The following COL5A2 variants were observed in gnomAD, a reference collection of about 807,000 sequenced individuals.
The protein encoded by COL5A2 is collagen alpha-2(V) chain.
A neutral mutation model predicts 208.2 loss-of-function variants in COL5A2; 23 were observed. The observed-to-expected ratio is 0.11, with a 90% confidence interval of 0.08 to 0.16. The LOEUF is 0.16. COL5A2 is among the 10% of genes least tolerant of loss of function. The pLI is 1.00. For synonymous variants in COL5A2, 625 were observed against 628.5 expected, an observed-to-expected ratio of 0.99 and a Z score of 0.08; for missense variants, 1,590 against 1,956.4, an observed-to-expected ratio of 0.81 and a Z score of 3.53.
chr2:189,374,134 T>C, the COL5A2 span, among the ~76,000 whole-genome samples: 1 of 152,122 alleles, frequency 6.6e-6, no homozygotes, highest in Non-Finnish European at 1.5e-5. Context: ...AGGACAGTTG[T>C]GACTTAGAAA....
chr2:189,378,107 A>G, the COL5A2 span, among the ~76,000 whole-genome samples: 2 of 152,294 alleles, frequency 1.3e-5, no homozygotes, highest in South Asian at 4.1e-4. Context: ...GAATGTATAC[A>G]CTTTAATCAT....
In COL5A2 at chr2:189,079,077, C is replaced by A. The variant is rs1446056326; in HGVS notation, c.991G>T (p.Ala331Ser). Residue 331 changes from alanine (A) to serine (S), a missense_variant, in exon 15 of 54, where the codon GCC becomes TCC. Coordinates refer to ENST00000374866, the MANE Select transcript of COL5A2 (RefSeq NM_000393.5). ...GEAGPTGPMG[A>S]MGPLGPRGMP... ...CGAGCACATACCAGAGGACCCATGGCACCCATTGGACCAGTGGGGCCAGCT... is the reference window on the plus strand; with the variant it reads ...CGAGCACATACCAGAGGACCCATGGAACCCATTGGACCAGTGGGGCCAGCT... 6.2e-7 allele frequency: 1 copy of A among 1,612,704 alleles called. No homozygotes were observed. Among genetic ancestry groups the A allele is most frequent in the South Asian group, 1.1e-5 (1 of 91,030 alleles).
chr2:189,374,059 G>A, the COL5A2 span, among the ~76,000 whole-genome samples: 1 of 152,056 alleles, frequency 6.6e-6, no homozygotes, highest in Non-Finnish European at 1.5e-5. Flanking sequence ...TCTTATGGGG[G>A]AATAGAAAGC....
chr2:189,206,332 C>A (rs1051235778), intron 1 of COL5A2, among the ~76,000 whole-genome samples: 1 of 152,178 alleles, frequency 6.6e-6, no homozygotes. Flanking sequence ...AGACCAAATT[C>A]TGCTGTCTTT....
Position 189,035,020 on chromosome 2 carries a change from T to C in COL5A2, c.4249A>G (p.Lys1417Glu). 9 of 1,613,934 alleles carry C rather than the reference T, an allele frequency of 5.6e-6. No homozygotes were observed. Among genetic ancestry groups the C allele is most frequent in the Non-Finnish European group, 7.6e-6 (9 of 1,179,890 alleles). ...NSVGYMDDQA[K>E]NLKKAVVLKG... ...AGAACCACAGCTTTTTTGAGGTTCTTAGCTTGATCGTCCATGTATCCTACA... is the reference window on the plus strand; with the variant it reads ...AGAACCACAGCTTTTTTGAGGTTCTCAGCTTGATCGTCCATGTATCCTACA... The change falls in exon 53 of 54, where the codon AAG becomes GAG. Residue 1417 changes from lysine (K) to glutamate (E), a missense_variant. By Grantham distance (56) the Lys-to-Glu change is moderately conservative (BLOSUM62 1). Coordinates refer to ENST00000374866, the MANE Select transcript of COL5A2 (RefSeq NM_000393.5).
At chr2:189,315,837 C>T in the COL5A2 span, among the ~76,000 whole-genome samples, 2 of 152,046 alleles carry the variant, frequency 1.3e-5, no homozygotes, top group Admixed American at 1.3e-4. Context: ...ACAGTTGCCA[C>T]AAAAAGAATA....
intron 1 of COL5A2, among the ~76,000 whole-genome samples, chr2:189,129,572 A>G (rs1687671515): frequency 6.6e-6 from 1 of 152,014 alleles, no homozygotes; most frequent in Non-Finnish European, 1.5e-5. Context: ...AAAAGCTACT[A>G]GGTACTAGGT....
intron 3 of COL5A2, among the ~76,000 whole-genome samples, chr2:189,101,883 G>C (rs559977600): frequency 2.0e-5 from 3 of 152,068 alleles, no homozygotes; most frequent in Admixed American, 1.3e-4. Context: ...ACAAAGCCTA[G>C]GACAAGAAAG....
intron 17 of COL5A2, among the ~76,000 whole-genome samples, chr2:189,072,702 G>A (rs1686301655): frequency 6.8e-6 from 1 of 147,292 alleles, no homozygotes; most frequent in South Asian, 2.2e-4. Flanking sequence ...AACCTGGGAG[G>A]TGGAGGTTGT....
rs376099227 is a variant in COL5A2, at chr2:189,057,088, A to T, written c.2338-62T>A. Reference sequence around the variant, plus strand: ...TTGTCTCTTTCCCACACTTGTGTGTAAGTTTCATGAGAGTGAAGGCTAATT... The same window carrying T: ...TTGTCTCTTTCCCACACTTGTGTGTTAGTTTCATGAGAGTGAAGGCTAATT... On this transcript the variant is annotated intron_variant, in intron 34 of 53. Coordinates refer to ENST00000374866, the MANE Select transcript of COL5A2 (RefSeq NM_000393.5). The T allele has an allele frequency of 1.2e-4, 193 of 1,548,530 alleles. 1 individual carries two copies. The South Asian group carries it at 2.1e-3, about 17-fold the overall frequency.
At chr2:189,378,216 T>G in the COL5A2 span, among the ~76,000 whole-genome samples, 1 of 152,154 alleles carries the variant, frequency 6.6e-6, no homozygotes, top group Admixed American at 6.5e-5. Flanking sequence ...ACTGTTTACA[T>G]TAAGGATATG....
At chr2:189,170,086 G>A (rs1165495237) in intron 1 of COL5A2, among the ~76,000 whole-genome samples, 1 of 152,146 alleles carries the variant, frequency 6.6e-6, no homozygotes, top group African/African-American at 2.4e-5. Flanking sequence ...TTAGTTGGGA[G>A]TCACTGCTAT....
intron 1 of COL5A2, among the ~76,000 whole-genome samples, chr2:189,150,937 TA>T (rs1171349971): frequency 6.6e-6 from 1 of 152,090 alleles, no homozygotes; most frequent in Non-Finnish European, 1.5e-5. Context: ...GGTCAAAGGT[TA>T]AAAAAGATTT....
At chr2:189,290,746 ACACACACAC>A in the COL5A2 span, among the ~76,000 whole-genome samples, 3 of 151,688 alleles carry the variant, frequency 2.0e-5, no homozygotes, top group East Asian at 5.8e-4. Flanking sequence ...ACACACACAC[ACACACACAC>A]ATTATTATAT....
intron 50 of COL5A2, among the ~76,000 whole-genome samples, chr2:189,040,011 A>G (rs369809590): frequency 6.6e-6 from 1 of 152,220 alleles, no homozygotes; most frequent in Non-Finnish European, 1.5e-5. Context: ...CATGTCAATA[A>G]CAAGAAAATA....
the COL5A2 span, among the ~76,000 whole-genome samples, chr2:189,240,257 T>C: frequency 0.93 from 140,926 of 152,206 alleles, 65,524 homozygotes; most frequent in East Asian, 1. Flanking sequence ...GCTGGGAAGA[T>C]GAAGATCAAG....
At chr2:189,426,164 G>A in the COL5A2 span, among the ~76,000 whole-genome samples, 1 of 152,172 alleles carries the variant, frequency 6.6e-6, no homozygotes, top group South Asian at 2.1e-4. Flanking sequence ...GAACTTCCTA[G>A]AGACTTGATA....
intron 17 of COL5A2, among the ~76,000 whole-genome samples, chr2:189,075,009 T>C (rs1205284728): frequency 6.6e-6 from 1 of 152,208 alleles, no homozygotes; most frequent in East Asian, 1.9e-4. Context: ...TAACCCTTCA[T>C]GATATAGCTC....
At chr2:189,192,390 T>G (rs1688942405) in intron 1 of COL5A2, among the ~76,000 whole-genome samples, 2 of 152,216 alleles carry the variant, frequency 1.3e-5, no homozygotes, top group Non-Finnish European at 2.9e-5. Flanking sequence ...TTGGGAAACA[T>G]GAGCTTTGGT....
Sources: allele counts gnomAD v4.1 joint callset (sites outside exome capture counted in the v4.1 genomes callset), GRCh38; gene constraint gnomAD v4.1.1; transcripts MANE v1.5; gene names NCBI Gene and HGNC (gene_info 2026-07-23, HGNC 2026-07-21).